Variants in EBF1 observed in about 807,000 individuals in gnomAD.
The protein encoded by EBF1 is EBF transcription factor 1.
Under a neutral mutation model 68.4 loss-of-function variants are expected in EBF1, and 10 were observed. That is an observed-to-expected ratio of 0.15 (90% CI 0.09 to 0.25). EBF1 has a LOEUF of 0.25. Among genes scored for constraint, EBF1 ranks in the 10% least tolerant of loss-of-function variants. The pLI, the probability that EBF1 is intolerant of heterozygous loss-of-function variation, is 1.00. For missense variants in EBF1, 509 were observed against 794.4 expected (o/e 0.64, Z 4.32); for synonymous variants, 298 against 299.8 (o/e 0.99, Z 0.06).
At chr5:158,899,100 T>A (rs1582997261) in intron 6 of EBF1, among the ~76,000 whole-genome samples, 1 of 152,242 alleles carries the variant, frequency 6.6e-6, no homozygotes, top group Admixed American at 6.5e-5. Context: ...TCTGAATAAT[T>A]ACGTGAAAAT....
At chr5:158,931,051 G>A (rs998040255) in intron 6 of EBF1, among the ~76,000 whole-genome samples, 2 of 152,136 alleles carry the variant, frequency 1.3e-5, no homozygotes, top group African/African-American at 2.4e-5. Flanking sequence ...ATTTTCTTAC[G>A]ATGGAAATGA....
At chr5:159,000,435 GTAGT>G (rs369329844) in intron 6 of EBF1, among the ~76,000 whole-genome samples, 84 of 151,954 alleles carry the variant, frequency 5.5e-4, no homozygotes, top group African/African-American at 2.0e-3. Context: ...GCAAGCTGAA[GTAGT>G]TATTTTCTGT....
intron 10 of EBF1, among the ~76,000 whole-genome samples, chr5:158,769,713 C>T (rs975924426): frequency 1.3e-5 from 2 of 151,794 alleles, no homozygotes; most frequent in Non-Finnish European, 2.9e-5. Flanking sequence ...AGGGAAAAAT[C>T]ATATGTTGTG....
At chr5:158,745,095 T>C (rs1021421032) in intron 10 of EBF1, among the ~76,000 whole-genome samples, 1 of 152,224 alleles carries the variant, frequency 6.6e-6, no homozygotes, top group Non-Finnish European at 1.5e-5. Flanking sequence ...CCTTTGGATG[T>C]TGGTGGTCTT....
chr5:158,969,597 C>A (rs1217606377), intron 6 of EBF1, among the ~76,000 whole-genome samples: 1 of 120,648 alleles, frequency 8.3e-6, no homozygotes. Context: ...AACCCCATCT[C>A]TACAAAAAAA....
At chr5:158,842,114 G>A (rs1176484990) in intron 6 of EBF1, among the ~76,000 whole-genome samples, 4 of 152,216 alleles carry the variant, frequency 2.6e-5, no homozygotes, top group African/African-American at 4.8e-5. Context: ...AGGACAATCA[G>A]CCAGTCATTG....
intron 6 of EBF1, among the ~76,000 whole-genome samples, chr5:158,854,160 C>T (rs535765818): frequency 6.6e-6 from 1 of 152,330 alleles, no homozygotes; most frequent in South Asian, 2.1e-4. Context: ...CAGTTTGCAT[C>T]TCCGGCCCTA....
At chr5:159,000,250 A>T (rs1029357054) in intron 6 of EBF1, among the ~76,000 whole-genome samples, 4 of 152,192 alleles carry the variant, frequency 2.6e-5, no homozygotes, top group African/African-American at 9.6e-5. Context: ...AAAACTACTA[A>T]TTTTATTAAA....
At chr5:158,895,535 T>C (rs1802004637) in intron 6 of EBF1, among the ~76,000 whole-genome samples, 1 of 152,184 alleles carries the variant, frequency 6.6e-6, no homozygotes, top group Non-Finnish European at 1.5e-5. Context: ...ATATTATGCA[T>C]AATCTACAGA....
intron 10 of EBF1, among the ~76,000 whole-genome samples, chr5:158,765,314 G>T (rs998028904): frequency 6.6e-6 from 1 of 152,030 alleles, no homozygotes; most frequent in Non-Finnish European, 1.5e-5. Flanking sequence ...TCTAAACCTC[G>T]CTACAAGCTC....
intron 6 of EBF1, among the ~76,000 whole-genome samples, chr5:158,959,458 A>AT (rs1385487137): frequency 6.6e-6 from 1 of 151,942 alleles, no homozygotes; most frequent in Non-Finnish European, 1.5e-5. Flanking sequence ...CACCTGGAAG[A>AT]TTTTTGTATT....
intron 6 of EBF1, among the ~76,000 whole-genome samples, chr5:158,852,759 T>C (rs552800201): frequency 1.3e-5 from 2 of 152,304 alleles, no homozygotes; most frequent in South Asian, 4.1e-4. Flanking sequence ...AGGATGCTGA[T>C]GGAAAATGAA....
At chr5:158,791,777 C>A (rs1412854102) in intron 9 of EBF1, among the ~76,000 whole-genome samples, 1 of 152,010 alleles carries the variant, frequency 6.6e-6, no homozygotes, top group African/African-American at 2.4e-5. Context: ...TGTAAACTAC[C>A]AATTTAATAC....
chr5:158,775,185 A>G (rs1304045830), intron 10 of EBF1, among the ~76,000 whole-genome samples: 2 of 151,896 alleles, frequency 1.3e-5, no homozygotes, highest in Non-Finnish European at 2.9e-5. Context: ...ATTTTCTAAG[A>G]TGTGATTTCT....
intron 5 of EBF1, among the ~76,000 whole-genome samples, chr5:159,074,654 A>G (rs1390836761): frequency 1.3e-5 from 2 of 152,234 alleles, no homozygotes; most frequent in African/African-American, 4.8e-5. Context: ...CAAAATTGGA[A>G]AGTCTCTTTT....
chr5:159,060,580 T>C (rs1205892896), intron 6 of EBF1, among the ~76,000 whole-genome samples: 1 of 152,212 alleles, frequency 6.6e-6, no homozygotes, highest in East Asian at 1.9e-4. Context: ...CCTTTTTTTT[T>C]CTTTTTGCAT....
At chr5:159,005,952 T>C (rs538884001) in intron 6 of EBF1, among the ~76,000 whole-genome samples, 1 of 152,348 alleles carries the variant, frequency 6.6e-6, no homozygotes, top group African/African-American at 2.4e-5. Context: ...ACTTTTCCTG[T>C]GTACTAACAG....
chr5:158,994,021 GGT>G (rs1254883832), intron 6 of EBF1, among the ~76,000 whole-genome samples: 1 of 152,206 alleles, frequency 6.6e-6, no homozygotes, highest in Non-Finnish European at 1.5e-5. Flanking sequence ...CATCACAGCA[GGT>G]GGGAAGATGG....
chr5:159,051,482 T>A (rs890962481), intron 6 of EBF1, among the ~76,000 whole-genome samples: 5 of 129,050 alleles, frequency 3.9e-5, no homozygotes, highest in African/African-American at 5.8e-5. Context: ...CCGCTCCACA[T>A]GTGCGACTCG....
Sources: gnomAD v4.1 joint callset for allele counts (sites outside exome capture counted in the v4.1 genomes callset) on GRCh38, gnomAD v4.1.1 for gene constraint, MANE v1.5 for transcripts, NCBI Gene and HGNC (gene_info 2026-07-23, HGNC 2026-07-21) for gene names.